Variants in DENND5B observed in about 807,000 individuals in gnomAD.
DENND5B encodes DENN domain containing 5B.
In DENND5B, 34 loss-of-function variants were observed where a neutral mutation model predicts 140.6. That is an observed-to-expected ratio of 0.24 (90% confidence interval 0.18 to 0.32). The LOEUF (loss-of-function observed/expected upper bound fraction) is 0.32. Among genes scored for constraint, DENND5B ranks in the 10% least tolerant of loss-of-function variants. The pLI, the probability that DENND5B is intolerant of heterozygous loss-of-function variation, is 1.00. For synonymous variants in DENND5B, 551 were observed against 562.1 expected (o/e 0.98, Z 0.28); for missense variants, 1,142 against 1,560.2 (o/e 0.73, Z 4.52).
Position 31,488,131 on chromosome 12 carries a change from A to AT in DENND5B, c.237+7678dup, listed in dbSNP as rs68139114. Among the ~76,000 whole-genome samples, 339 of 135,430 alleles carry AT rather than the reference A, an allele frequency of 2.5e-3. 3 individuals are homozygous for AT. In the South Asian group the frequency reaches 0.026, roughly 10 times the overall value. 88.8% of individuals were successfully genotyped at this position (135,430 alleles called of 152,430 possible). A position where few individuals can be genotyped will look rare whatever the true frequency, so the allele number is the denominator to read the frequency against. Reference sequence around the variant, plus strand: ...CGATTATAGGCGTGCATACCCGGCTATTTTTTTTTTTTTTTTGTACTTTTA... The same window carrying AT: ...CGATTATAGGCGTGCATACCCGGCTATTTTTTTTTTTTTTTTTGTACTTTTA... On this transcript the variant is annotated intron_variant, in intron 2 of 20. Transcript: ENST00000389082.
chr12:31,449,923 A>G (rs951153055), intron 5 of DENND5B, among the ~76,000 whole-genome samples: 2 of 151,788 alleles, frequency 1.3e-5, no homozygotes, highest in Non-Finnish European at 2.9e-5. Context: ...AGTAGAGACG[A>G]GGTTTCACCA....
chr12:31,389,670 C>A (rs1254476314), intron 19 of DENND5B, among the ~76,000 whole-genome samples, 172 bp from the exon 20 acceptor site: 1 of 152,112 alleles, frequency 6.6e-6, no homozygotes, highest in African/African-American at 2.4e-5. Flanking sequence ...CATGGTAGAA[C>A]AATAAATATG....
At chr12:31,535,978 C>A (rs1387629595) in intron 1 of DENND5B, among the ~76,000 whole-genome samples, 1 of 84,614 alleles carries the variant, frequency 1.2e-5, no homozygotes, top group Non-Finnish European at 2.0e-5. Context: ...GCCATCCCCT[C>A]GGTACTGTTC....
At chr12:31,453,208 G>A (rs1198628976) in intron 4 of DENND5B, among the ~76,000 whole-genome samples, 1 of 152,208 alleles carries the variant, frequency 6.6e-6, no homozygotes, top group Non-Finnish European at 1.5e-5. Flanking sequence ...AGAGGTGGTA[G>A]AGGCAAGTGC....
chr12:31,590,008 T>C (rs1950552935), intron 1 of DENND5B: 1 of 152,244 alleles, frequency 6.6e-6, no homozygotes, highest in Admixed American at 6.5e-5. Flanking sequence ...CCCAACTGAA[T>C]TTAAACTCGG....
Position 31,404,759 on chromosome 12 carries a change from C to CTTTTTTTTTTTTTTTTT in DENND5B, c.2804-2133_2804-2117dup, listed in dbSNP as rs71062425. Reference sequence around the variant, plus strand: ...ATAAGCCACCGCGTCCGACCTCTAGCTTTTTTTTTTTTTTTTTGAGACAGA... The same window carrying CTTTTTTTTTTTTTTTTT: ...ATAAGCCACCGCGTCCGACCTCTAGCTTTTTTTTTTTTTTTTTTTTTTTTTTTTTTTTTTGAGACAGA... On this transcript the variant is annotated intron_variant, in intron 14 of 20. Coordinates refer to ENST00000389082, the MANE Select transcript of DENND5B (RefSeq NM_144973.4). Among the ~76,000 whole-genome samples, 4 of 74,064 alleles carry CTTTTTTTTTTTTTTTTT rather than the reference C, an allele frequency of 5.4e-5. 2 individuals are homozygous for CTTTTTTTTTTTTTTTTT. Among genetic ancestry groups the CTTTTTTTTTTTTTTTTT allele is most frequent in the Non-Finnish European group, 9.7e-5 (4 of 41,048 alleles). The allele number at this position is 74,064 out of a possible 152,430, so 48.6% of individuals were successfully genotyped here.
chr12:31,417,880 C>T (rs143236326), intron 11 of DENND5B, among the ~76,000 whole-genome samples: 208 of 152,232 alleles, frequency 1.4e-3, no homozygotes, highest in Admixed American at 4.1e-3. Context: ...ATTAAACCTG[C>T]CATTTTCTCA....
At position 31,392,400 on chromosome 12, in the gene DENND5B, G is replaced by C; in HGVS notation, c.3340-7C>G. The C allele has an allele frequency of 6.2e-7, 1 of 1,612,854 alleles. No homozygotes were observed. The highest frequency in any genetic ancestry group is 1.1e-5 in the South Asian group (1 of 90,878). On this transcript the variant is annotated splice_polypyrimidine_tract_variant and splice_region_variant and intron_variant, in intron 18 of 20. Coordinates refer to ENST00000389082, the MANE Select transcript of DENND5B (RefSeq NM_144973.4). Reference sequence around the variant, plus strand: ...ACACGGTGAGGCTTCCTCTCTGTGGGGCATAACACACAGTGCCAAAGAAAA... The same window carrying C: ...ACACGGTGAGGCTTCCTCTCTGTGGCGCATAACACACAGTGCCAAAGAAAA...
At chr12:31,395,884 GAGTGACAGAA>G in intron 17 of DENND5B, among the ~76,000 whole-genome samples, 1 of 143,200 alleles carries the variant, frequency 7.0e-6, no homozygotes, top group Non-Finnish European at 1.5e-5. Flanking sequence ...TTGGTGGCTT[GAGTGACAGAA>G]ATACATTTTG....
At position 31,512,385 on chromosome 12, in the gene DENND5B, A is replaced by AT. The variant is rs58455943; in HGVS notation, c.128-16467dup. Among the ~76,000 whole-genome samples, 141 of 142,288 alleles carry AT rather than the reference A, an allele frequency of 9.9e-4. 1 individual carries two copies. The highest frequency in any genetic ancestry group is 3.7e-3 in the Middle Eastern group (1 of 270). The allele number at this position is 142,288 out of a possible 152,430, so 93.3% of individuals were successfully genotyped here. A position where few individuals can be genotyped will look rare whatever the true frequency, so the allele number is the denominator to read the frequency against. On this transcript the variant is annotated intron_variant, in intron 1 of 20. Coordinates refer to ENST00000389082, the MANE Select transcript of DENND5B (RefSeq NM_144973.4). ...GTACACACCACCACACCCCTGGCTA[A>AT]TTTTTTTTTTTTTTTTTTTAATTTT... is the stretch of plus-strand genomic sequence containing the variant.
chr12:31,520,204 T>A (rs1243084074), intron 1 of DENND5B, among the ~76,000 whole-genome samples: 1 of 152,210 alleles, frequency 6.6e-6, no homozygotes, highest in South Asian at 2.1e-4. Context: ...CTTACAGATA[T>A]CAAAATGAAT....
intron 1 of DENND5B, among the ~76,000 whole-genome samples, chr12:31,544,810 C>T (rs1474661287): frequency 6.6e-6 from 1 of 152,078 alleles, no homozygotes; most frequent in Non-Finnish European, 1.5e-5. Context: ...TATAAAACCA[C>T]TAATAAAATA....
chr12:31,554,575 C>T (rs566433331), intron 1 of DENND5B, among the ~76,000 whole-genome samples: 16 of 152,238 alleles, frequency 1.1e-4, no homozygotes, highest in East Asian at 5.8e-4. Context: ...ATCTTTGTCG[C>T]GTCCTCTGTA....
At chr12:31,390,265 A>G (rs988360103) in intron 19 of DENND5B, among the ~76,000 whole-genome samples, 12 of 152,258 alleles carry the variant, frequency 7.9e-5, no homozygotes, top group Non-Finnish European at 2.9e-5. Flanking sequence ...CCAATTTGGT[A>G]GCCACAAGTG....
intron 11 of DENND5B, among the ~76,000 whole-genome samples, chr12:31,415,875 C>A (rs793160): frequency 5.3e-5 from 8 of 152,066 alleles, no homozygotes; most frequent in African/African-American, 1.4e-4. Flanking sequence ...CGCTCTTGTT[C>A]TCTAGGCTGG....
At chr12:31,464,046 G>A (rs1029301275) in intron 3 of DENND5B, among the ~76,000 whole-genome samples, 1 of 152,138 alleles carries the variant, frequency 6.6e-6, no homozygotes, top group East Asian at 1.9e-4. Context: ...AAAAGGCAGA[G>A]TTTTCTTCTT....
Position 31,480,262 on chromosome 12 carries a change from A to G in DENND5B, c.238-7T>C. ...GCCCTTTAGGCATGCACAACTGTGAAAGAAAGAAAAAAAAAAATCAGAATG... is the reference window on the plus strand; with the variant it reads ...GCCCTTTAGGCATGCACAACTGTGAGAGAAAGAAAAAAAAAAATCAGAATG... On this transcript the variant is annotated splice_region_variant and splice_polypyrimidine_tract_variant and intron_variant, in intron 2 of 20. Transcript: ENST00000389082. 6.7e-7 allele frequency: 1 copy of G among 1,488,338 alleles called. No homozygotes were observed. The highest frequency in any genetic ancestry group is 8.9e-7 in the Non-Finnish European group (1 of 1,123,146). The allele number at this position is 1,488,338 out of a possible 1,614,324, so 92.2% of individuals were successfully genotyped here. A position where few individuals can be genotyped will look rare whatever the true frequency, so the allele number is the denominator to read the frequency against.
intron 3 of DENND5B, among the ~76,000 whole-genome samples, chr12:31,474,160 A>G (rs753546089): frequency 5.9e-5 from 9 of 152,228 alleles, no homozygotes; most frequent in Non-Finnish European, 8.8e-5. Flanking sequence ...GAGGGATGGC[A>G]GACAAGCACT....
intron 11 of DENND5B, chr12:31,420,152 G>C (rs1290419296): frequency 2.5e-6 from 2 of 800,718 alleles, no homozygotes; most frequent in African/African-American, 3.7e-5. Flanking sequence ...TTGGAGACAG[G>C]GTCTTGCTCT....
Sources: gnomAD v4.1 joint callset for allele counts (sites outside exome capture counted in the v4.1 genomes callset) on GRCh38, gnomAD v4.1.1 for gene constraint, MANE v1.5 for transcripts, NCBI Gene and HGNC (gene_info 2026-07-23, HGNC 2026-07-21) for gene names.